The following EYS variants were observed in gnomAD, a reference collection of about 807,000 sequenced individuals.
The protein encoded by EYS is EGF-like photoreceptor maintenance factor.
In EYS, 250 loss-of-function variants were observed where a neutral mutation model predicts 282.1. The observed-to-expected ratio is 0.89, with a 90% CI of 0.80 to 0.98. The LOEUF is 0.98. EYS is among the 50% of genes least tolerant of loss of function. The pLI, the probability that EYS is intolerant of heterozygous loss-of-function variation, is 0.00. For synonymous variants in EYS, 1,355 were observed against 1,282.9 expected (o/e 1.06, Z -1.20); for missense variants, 4,016 against 3,709.0 (o/e 1.08, Z -2.15).
intron 8 of EYS, among the ~76,000 whole-genome samples, chr6:65,363,453 A>T (rs9453278): frequency 0.67 from 102,249 of 151,686 alleles, 34,554 homozygotes; most frequent in South Asian, 0.71. Context: ...ATATTTAATC[A>T]TTTCAGAAGA....
intron 2 of EYS, among the ~76,000 whole-genome samples, chr6:65,572,561 A>G (rs982206038): frequency 6.6e-6 from 1 of 152,164 alleles, no homozygotes; most frequent in South Asian, 2.1e-4. Flanking sequence ...TGAAATTAAA[A>G]TATACAGTCA....
intron 26 of EYS, among the ~76,000 whole-genome samples, chr6:64,450,947 A>C (rs553820744): frequency 5.9e-5 from 9 of 152,322 alleles, no homozygotes; most frequent in Admixed American, 4.6e-4. Context: ...AATTAAAAGA[A>C]CTGGAGAAGC....
At chr6:65,502,976 G>A (rs547176177) in intron 2 of EYS, among the ~76,000 whole-genome samples, 1 of 151,658 alleles carries the variant, frequency 6.6e-6, no homozygotes, top group African/African-American at 2.4e-5. Flanking sequence ...TTTTAACCCT[G>A]CCTCCATTGC....
intron 35 of EYS, among the ~76,000 whole-genome samples, chr6:63,970,412 G>T (rs1766508664): frequency 6.6e-6 from 1 of 152,254 alleles, no homozygotes; most frequent in African/African-American, 2.4e-5. Context: ...GAGGTGGCCA[G>T]ATCACTAGGT....
chr6:64,114,142 C>A (rs957825066), intron 31 of EYS, among the ~76,000 whole-genome samples: 7 of 152,096 alleles, frequency 4.6e-5, no homozygotes, highest in Middle Eastern at 3.4e-3. Flanking sequence ...TTTCTCCAGA[C>A]AATATTATGA....
intron 26 of EYS, among the ~76,000 whole-genome samples, chr6:64,550,422 C>G (rs113672446): frequency 3.3e-5 from 5 of 152,006 alleles, no homozygotes; most frequent in African/African-American, 1.2e-4. Context: ...TTTTAATGAT[C>G]GCCATTCTAA....
chr6:65,604,901 T>C (rs1765734352), intron 2 of EYS, among the ~76,000 whole-genome samples: 1 of 147,672 alleles, frequency 6.8e-6, no homozygotes, highest in African/African-American at 2.5e-5. Flanking sequence ...TGGAGTGCAG[T>C]GGCACAATCA....
chr6:63,983,276 A>G (rs1487446326), intron 35 of EYS, among the ~76,000 whole-genome samples: 1 of 151,774 alleles, frequency 6.6e-6, no homozygotes, highest in Non-Finnish European at 1.5e-5. Context: ...TCAGAAGCCA[A>G]ATTTCTAGAC....
chr6:64,386,281 T>A (rs1772905801), intron 29 of EYS, among the ~76,000 whole-genome samples: 1 of 152,190 alleles, frequency 6.6e-6, no homozygotes, highest in Admixed American at 6.5e-5. Flanking sequence ...AAGACATACT[T>A]GAGACAGGGT....
chr6:63,890,244 G>A (rs973174577), intron 35 of EYS, among the ~76,000 whole-genome samples: 13 of 152,180 alleles, frequency 8.5e-5, no homozygotes, highest in East Asian at 5.8e-4. Context: ...TGGAACAAGC[G>A]GACCTAACAG....
At chr6:64,539,697 C>T (rs1020201637) in intron 26 of EYS, among the ~76,000 whole-genome samples, 3 of 152,168 alleles carry the variant, frequency 2.0e-5, no homozygotes, top group Non-Finnish European at 4.4e-5. Context: ...ATATTTTTCT[C>T]CAGGGTGACC....
At chr6:65,211,693 G>A (rs185439743) in intron 12 of EYS, among the ~76,000 whole-genome samples, 1 of 151,848 alleles carries the variant, frequency 6.6e-6, no homozygotes, top group African/African-American at 2.4e-5. Flanking sequence ...TGTGAATTGT[G>A]TTCTGGTAAA....
At chr6:65,694,886 T>G (rs1215714274) in intron 1 of EYS, among the ~76,000 whole-genome samples, 1 of 151,934 alleles carries the variant, frequency 6.6e-6, no homozygotes. Context: ...AAGACAGTAT[T>G]GCGTAAGAAA....
chr6:64,300,271 G>A (rs375865227), intron 30 of EYS, among the ~76,000 whole-genome samples: 6 of 152,158 alleles, frequency 3.9e-5, no homozygotes, highest in African/African-American at 1.2e-4. Context: ...AGGCCGACAG[G>A]GGCCGCGGCA....
intron 12 of EYS, among the ~76,000 whole-genome samples, chr6:65,146,079 T>C (rs1322692907): frequency 6.6e-6 from 1 of 151,844 alleles, no homozygotes; most frequent in Admixed American, 6.6e-5. Flanking sequence ...ACTACTTTTT[T>C]GGTCAGTTTC....
At chr6:65,396,720 T>C (rs906992642) in intron 7 of EYS, among the ~76,000 whole-genome samples, 2 of 152,128 alleles carry the variant, frequency 1.3e-5, no homozygotes, top group African/African-American at 4.8e-5. Context: ...AGTAATACTC[T>C]ATTTTCCTCA....
At chr6:64,663,440 TAATCCCCA>T (rs1162711106) in intron 22 of EYS, among the ~76,000 whole-genome samples, 38 of 152,220 alleles carry the variant, frequency 2.5e-4, no homozygotes, top group African/African-American at 9.1e-4. Flanking sequence ...TTTGAAAAAA[TAATCCCCA>T]AATCTCAGAG....
intron 5 of EYS, among the ~76,000 whole-genome samples, chr6:65,464,624 T>A (rs1764935928): frequency 6.6e-6 from 1 of 152,138 alleles, no homozygotes; most frequent in Non-Finnish European, 1.5e-5. Context: ...TGGAGCCCTA[T>A]CTCCTCTAAA....
At chr6:65,200,304 A>T (rs1480695699) in intron 12 of EYS, among the ~76,000 whole-genome samples, 1 of 151,604 alleles carries the variant, frequency 6.6e-6, no homozygotes, top group Non-Finnish European at 1.5e-5. Flanking sequence ...CCAGGTGGAG[A>T]TGACTAGTAA....
Sources: gnomAD v4.1 joint callset for allele counts (sites outside exome capture counted in the v4.1 genomes callset) on GRCh38, gnomAD v4.1.1 for gene constraint, MANE v1.5 for transcripts, NCBI Gene and HGNC (gene_info 2026-07-23, HGNC 2026-07-21) for gene names.